KCNK10: variants seen among roughly 807,000 people sequenced by gnomAD.
KCNK10 encodes the protein potassium two pore domain channel subfamily K member 10.
Under a neutral mutation model 47.7 loss-of-function variants are expected in KCNK10, and 25 were observed. The ratio of observed to expected loss-of-function variants is 0.52; its 90% CI spans 0.38 to 0.73. The LOEUF (loss-of-function observed/expected upper bound fraction) is 0.73. Among genes scored for constraint, KCNK10 ranks in the 30% least tolerant of loss-of-function variants. The pLI, the probability that KCNK10 is intolerant of heterozygous loss-of-function variation, is 0.00. For synonymous variants in KCNK10, 303 were observed against 285.6 expected (o/e 1.06, Z -0.61); for missense variants, 563 against 714.5 (o/e 0.79, Z 2.42).
At chr14:88,284,357 T>A (rs950657943) in intron 1 of KCNK10, among the ~76,000 whole-genome samples, 5 of 151,942 alleles carry the variant, frequency 3.3e-5, no homozygotes, top group African/African-American at 1.2e-4. Flanking sequence ...AAGACAGAAC[T>A]AATAGGATAG....
At chr14:88,232,275 G>A (rs930075061) in intron 3 of KCNK10, among the ~76,000 whole-genome samples, 5 of 152,124 alleles carry the variant, frequency 3.3e-5, no homozygotes, top group East Asian at 3.9e-4. Flanking sequence ...GCAATATTAC[G>A]TTGCAAATTT....
chr14:88,298,647 T>C (rs369083803), intron 1 of KCNK10, among the ~76,000 whole-genome samples: 107 of 152,318 alleles, frequency 7.0e-4, no homozygotes, highest in African/African-American at 2.3e-3. Context: ...TGGTGACTAC[T>C]CACAAATTCA....
At chr14:88,264,293 A>C (rs984645725) in intron 1 of KCNK10, among the ~76,000 whole-genome samples, 2 of 152,334 alleles carry the variant, frequency 1.3e-5, no homozygotes, top group South Asian at 2.1e-4. Flanking sequence ...CTTTTCTGCG[A>C]TGGCAGGAAG....
At chr14:88,243,301 C>T (rs1886533487) in intron 2 of KCNK10, among the ~76,000 whole-genome samples, 1 of 152,170 alleles carries the variant, frequency 6.6e-6, no homozygotes, top group East Asian at 1.9e-4. Flanking sequence ...CCATAACTTG[C>T]AAGAAAGTAG....
intron 6 of KCNK10, among the ~76,000 whole-genome samples, chr14:88,187,673 T>G (rs1334265477): frequency 6.6e-6 from 1 of 151,736 alleles, no homozygotes. Context: ...CTATTTATTT[T>G]CATTTTCATT....
intron 1 of KCNK10, among the ~76,000 whole-genome samples, chr14:88,321,764 A>G (rs1472630771): frequency 6.6e-6 from 1 of 152,256 alleles, no homozygotes; most frequent in Non-Finnish European, 1.5e-5. Context: ...GCTCATAAAG[A>G]ACATTAAACA....
intron 4 of KCNK10, among the ~76,000 whole-genome samples, chr14:88,197,572 T>TAAAAA (rs71417717): frequency 0.017 from 297 of 17,158 alleles, 95 homozygotes; most frequent in Non-Finnish European, 0.033. Context: ...AGACTCCGAC[T>TAAAAA]AAAAAAAAAA....
Position 88,263,276 on chromosome 14 carries a change from T to A in KCNK10, c.328A>T (p.Ile110Phe). 1 of 1,614,148 alleles carries A rather than the reference T, an allele frequency of 6.2e-7. No homozygotes were observed. Among genetic ancestry groups the A allele is most frequent in the Non-Finnish European group, 8.5e-7 (1 of 1,180,046 alleles). ...QPFESSQKNT[I>F]ALEKAEFLRD... ...AGGAATTCCGCCTTCTCCAAGGCGA[T>A]GGTATTCTTCTGGCTGCTCTCAAAG... The change falls in exon 2 of 7, where the codon ATC becomes TTC. Residue 110 changes from isoleucine to phenylalanine, a missense_variant. By Grantham distance (21) the Ile-to-Phe change is conservative (BLOSUM62 0). Coordinates refer to ENST00000319231, the MANE Select transcript of KCNK10 (RefSeq NM_138317.3).
At chr14:88,306,409 G>C (rs1279893544) in intron 1 of KCNK10, among the ~76,000 whole-genome samples, 1 of 152,084 alleles carries the variant, frequency 6.6e-6, no homozygotes, top group Non-Finnish European at 1.5e-5. Context: ...TGATAAAATG[G>C]GACCTTTTCC....
intron 4 of KCNK10, among the ~76,000 whole-genome samples, chr14:88,197,893 AG>A (rs1333682198): frequency 1.4e-5 from 2 of 145,242 alleles, no homozygotes; most frequent in African/African-American, 5.2e-5. Flanking sequence ...AGAGAGAGAG[AG>A]AAGGGGAAAA....
At chr14:88,257,345 C>A (rs192304816) in intron 2 of KCNK10, among the ~76,000 whole-genome samples, 1 of 152,208 alleles carries the variant, frequency 6.6e-6, no homozygotes, top group Non-Finnish European at 1.5e-5. Context: ...CCCACGACCC[C>A]CTTCCCAGTC....
At chr14:88,236,642 G>C (rs1245832879) in intron 3 of KCNK10, among the ~76,000 whole-genome samples, 1 of 152,198 alleles carries the variant, frequency 6.6e-6, no homozygotes, top group African/African-American at 2.4e-5. Flanking sequence ...CAGAGACATT[G>C]TGAGTTAGAC....
chr14:88,240,847 A>T (rs1411297973), intron 2 of KCNK10, 27 bp from the exon 3 acceptor site: 2 of 1,391,936 alleles, frequency 1.4e-6, no homozygotes, highest in Non-Finnish European at 2.0e-6. Flanking sequence ...AAAGCATAAG[A>T]CTCAGTTTAA....
chr14:88,200,672 AGCTATGAATATAGCT>A (rs1325979238), intron 4 of KCNK10, among the ~76,000 whole-genome samples: 2 of 152,246 alleles, frequency 1.3e-5, no homozygotes, highest in Admixed American at 6.5e-5. Context: ...ATATTTTTCA[AGCTATGAATATAGCT>A]GAACTCTATA....
intron 1 of KCNK10, among the ~76,000 whole-genome samples, chr14:88,271,785 C>A (rs1317807627): frequency 2.0e-5 from 3 of 152,080 alleles, no homozygotes; most frequent in Admixed American, 1.3e-4. Flanking sequence ...GCTTTTCTTT[C>A]ACCCCACAAG....
intron 1 of KCNK10, among the ~76,000 whole-genome samples, chr14:88,292,540 G>A (rs776749498): frequency 9.2e-5 from 14 of 152,194 alleles, no homozygotes; most frequent in East Asian, 5.8e-4. Flanking sequence ...CAGTAGAGAC[G>A]GGGTTTTACC....
chr14:88,211,154 A>T (rs1885444812), intron 4 of KCNK10, among the ~76,000 whole-genome samples: 1 of 152,216 alleles, frequency 6.6e-6, no homozygotes. Flanking sequence ...ATATACAGAC[A>T]GGGGGATATT....
chr14:88,287,314 A>G (rs984468852), intron 1 of KCNK10, among the ~76,000 whole-genome samples: 16 of 152,134 alleles, frequency 1.1e-4, no homozygotes, highest in African/African-American at 3.6e-4. Flanking sequence ...GATTGCCACA[A>G]GTTCTTTTTT....
intron 2 of KCNK10, among the ~76,000 whole-genome samples, chr14:88,253,463 C>T (rs1473446415): frequency 6.6e-6 from 1 of 152,074 alleles, no homozygotes; most frequent in African/African-American, 2.4e-5. Flanking sequence ...GGTATGGAAA[C>T]ATCACGAGGT....
Sources: allele counts gnomAD v4.1 joint callset (sites outside exome capture counted in the v4.1 genomes callset), GRCh38; gene constraint gnomAD v4.1.1; transcripts MANE v1.5; gene names NCBI Gene and HGNC (gene_info 2026-07-23, HGNC 2026-07-21).